The following WWC1 variants were observed in gnomAD, a reference collection of about 807,000 sequenced individuals.
The protein encoded by WWC1 is protein KIBRA.
WWC1 carries 55 observed loss-of-function variants against 138.4 expected under a neutral mutation model. The observed-to-expected ratio is 0.40, with a 90% confidence interval of 0.32 to 0.50. The LOEUF is 0.50. Among genes scored for constraint, WWC1 ranks in the 20% least tolerant of loss-of-function variants. WWC1 has a pLI of 0.72. For missense variants in WWC1, 1,226 were observed against 1,420.4 expected (o/e 0.86, Z 2.20); for synonymous variants, 524 against 564.9 (o/e 0.93, Z 1.03).
intron 15 of WWC1, among the ~76,000 whole-genome samples, chr5:168,439,993 T>A (rs1754606396): frequency 6.6e-6 from 1 of 152,174 alleles, no homozygotes; most frequent in Non-Finnish European, 1.5e-5. Context: ...AGTTCCTGAG[T>A]TCCTTGGGAG....
chr5:168,423,512 C>T (rs1351007434), intron 10 of WWC1, 21 bp from the exon 11 acceptor site: 3 of 1,594,040 alleles, frequency 1.9e-6, no homozygotes, highest in Admixed American at 1.7e-5. Flanking sequence ...TCTCACTGTC[C>T]TTCCCCTCCC....
intron 17 of WWC1, among the ~76,000 whole-genome samples, chr5:168,447,242 T>G (rs919234778): frequency 3.7e-4 from 56 of 152,226 alleles, no homozygotes; most frequent in Admixed American, 3.6e-3. Flanking sequence ...CTCTTCCGTA[T>G]TATTATTCTC....
intron 20 of WWC1, among the ~76,000 whole-genome samples, chr5:168,462,130 A>T (rs1756873295): frequency 6.6e-6 from 1 of 152,080 alleles, no homozygotes; most frequent in Non-Finnish European, 1.5e-5. Context: ...TAGTGCCAAT[A>T]GCCCCCAGTA....
Position 168,346,156 on chromosome 5 carries a change from G to A in WWC1, c.120-25268G>A, listed in dbSNP as rs116659336. Reference sequence around the variant, plus strand: ...CCTGAAGCCCACCGAGATTAATCGGGTACCTATGTCTGATGTCGAAAGGAA... The same window carrying A: ...CCTGAAGCCCACCGAGATTAATCGGATACCTATGTCTGATGTCGAAAGGAA... On this transcript the variant is annotated intron_variant, in intron 1 of 22. Transcript: ENST00000265293. 1.4e-3 allele frequency among the ~76,000 whole-genome samples: 206 copies of A among 152,210 alleles called. 1 individual carries two copies. The highest frequency in any genetic ancestry group is 4.8e-3 in the African/African-American group (198 of 41,540).
chr5:168,442,351 C>T (rs1331122220), intron 16 of WWC1, among the ~76,000 whole-genome samples: 1 of 150,092 alleles, frequency 6.7e-6, no homozygotes, highest in Non-Finnish European at 1.5e-5. Context: ...GCCTATAATC[C>T]CAGCCCTTTG....
In WWC1 at chr5:168,428,714, G is replaced by C. The variant is rs1465753870; in HGVS notation, c.1927G>C (p.Ala643Pro). 6.2e-7 allele frequency: 1 copy of C among 1,613,984 alleles called. No individual in the cohort carries two copies. The highest frequency in any genetic ancestry group is 1.1e-5 in the South Asian group (1 of 91,068). The change falls in exon 13 of 23, where the codon GCT (alanine) becomes CCT (proline). Residue 643 changes from alanine to proline, a missense_variant. Physicochemically the swap from Ala to Pro is conservative, Grantham distance 27. Transcript: ENST00000265293. Reference sequence around the variant, plus strand: ...TCCCCTGTTGCCTTTCAGACTGGGTGCTTCAGAAGCTGCTGCATTTGACAG... The same window carrying C: ...TCCCCTGTTGCCTTTCAGACTGGGTCCTTCAGAAGCTGCTGCATTTGACAG... ...VYEASVQRLG[A>P]SEAAAFDSDE...
At chr5:168,384,713 CTTTTT>C (rs762052940) in intron 2 of WWC1, among the ~76,000 whole-genome samples, 1 of 99,636 alleles carries the variant, frequency 1.0e-5, no homozygotes, top group Non-Finnish European at 2.0e-5. Flanking sequence ...CTGGTTTATT[CTTTTT>C]TTTTTTTTTT....
intron 1 of WWC1, among the ~76,000 whole-genome samples, chr5:168,336,252 G>C (rs1246820019): frequency 1.3e-5 from 2 of 152,100 alleles, no homozygotes; most frequent in African/African-American, 4.8e-5. Flanking sequence ...TCCAGCAGAA[G>C]AGCCAAGGCA....
At chr5:168,312,402 G>A (rs1040568098) in intron 1 of WWC1, among the ~76,000 whole-genome samples, 1 of 152,208 alleles carries the variant, frequency 6.6e-6, no homozygotes, top group Non-Finnish European at 1.5e-5. Context: ...AGGTCGCACA[G>A]CTAGAAAGTG....
intron 1 of WWC1, among the ~76,000 whole-genome samples, chr5:168,304,243 G>A (rs768560577): frequency 6.6e-6 from 1 of 152,162 alleles, no homozygotes; most frequent in Non-Finnish European, 1.5e-5. Context: ...TTTTTTGGAT[G>A]TAAACCACTT....
At chr5:168,384,149 A>C (rs913394782) in intron 2 of WWC1, among the ~76,000 whole-genome samples, 2 of 126,664 alleles carry the variant, frequency 1.6e-5, no homozygotes, top group African/African-American at 6.5e-5. Flanking sequence ...TGAATATAGC[A>C]TACATATTTG....
At chr5:168,366,540 C>G (rs777865055) in intron 1 of WWC1, among the ~76,000 whole-genome samples, 1 of 152,162 alleles carries the variant, frequency 6.6e-6, no homozygotes, top group Non-Finnish European at 1.5e-5. Context: ...TTCTCTTGGG[C>G]ACAGTGTCTG....
intron 1 of WWC1, among the ~76,000 whole-genome samples, chr5:168,367,314 G>A (rs936399556): frequency 8.6e-5 from 13 of 151,896 alleles, no homozygotes; most frequent in East Asian, 1.9e-4. Context: ...CTCACCCTTC[G>A]TCTTGTTATT....
At chr5:168,313,055 G>C (rs13183865) in intron 1 of WWC1, among the ~76,000 whole-genome samples, 1 of 151,566 alleles carries the variant, frequency 6.6e-6, no homozygotes, top group African/African-American at 2.4e-5. Context: ...TGATTCACCC[G>C]CCTCGGCCTC....
intron 19 of WWC1, among the ~76,000 whole-genome samples, chr5:168,456,125 C>A (rs1173530603): frequency 3.3e-5 from 5 of 149,406 alleles, no homozygotes; most frequent in East Asian, 2.0e-4. Context: ...CATAGTGAGA[C>A]CCTGTCTCCG....
chr5:168,313,938 T>C (rs1462734634), intron 1 of WWC1, among the ~76,000 whole-genome samples: 1 of 151,836 alleles, frequency 6.6e-6, no homozygotes, highest in Non-Finnish European at 1.5e-5. Context: ...TTGATAGGGG[T>C]TCACACCTGC....
intron 4 of WWC1, among the ~76,000 whole-genome samples, chr5:168,399,038 T>C (rs1376658614): frequency 2.0e-5 from 3 of 152,230 alleles, no homozygotes; most frequent in Non-Finnish European, 4.4e-5. Flanking sequence ...GTTACTAAGT[T>C]GCCTCTTGCC....
chr5:168,334,900 C>T (rs1773333602), intron 1 of WWC1, among the ~76,000 whole-genome samples: 1 of 152,206 alleles, frequency 6.6e-6, no homozygotes, highest in Non-Finnish European at 1.5e-5. Flanking sequence ...CTACCGGTCC[C>T]TCTGGTATCC....
At chr5:168,412,015 C>CT in intron 8 of WWC1, 2 of 985,452 alleles carry the variant, frequency 2.0e-6, no homozygotes, top group South Asian at 9.4e-5. Flanking sequence ...CTCCCCCAGG[C>CT]GTCCAGCAAA....
Sources: gnomAD v4.1 joint callset for allele counts (sites outside exome capture counted in the v4.1 genomes callset) on GRCh38, gnomAD v4.1.1 for gene constraint, MANE v1.5 for transcripts, NCBI Gene and HGNC (gene_info 2026-07-23, HGNC 2026-07-21) for gene names.